The following DENND4A variants were observed in gnomAD, a reference collection of about 807,000 sequenced individuals.
The protein encoded by DENND4A is C-myc promoter-binding protein.
A neutral mutation model predicts 199.3 loss-of-function variants in DENND4A; 70 were observed. That is an observed-to-expected ratio of 0.35 (90% confidence interval 0.29 to 0.43). DENND4A has a LOEUF of 0.43. Ranked by LOEUF, DENND4A falls within the 20% of genes least tolerant of loss-of-function variation. DENND4A has a pLI of 1.00. For missense variants in DENND4A, 1,723 were observed against 2,255.8 expected (o/e 0.76, Z 4.78); for synonymous variants, 686 against 766.9 (o/e 0.89, Z 1.74).
chr15:65,679,065 G>A (rs759396273), intron 23 of DENND4A, among the ~76,000 whole-genome samples: 21 of 151,836 alleles, frequency 1.4e-4, no homozygotes, highest in Non-Finnish European at 2.6e-4. Flanking sequence ...CAGGTGTTCA[G>A]CATGCTTCCT....
chr15:65,711,858 A>T (rs560288781), intron 14 of DENND4A, among the ~76,000 whole-genome samples: 1 of 152,212 alleles, frequency 6.6e-6, no homozygotes, highest in Non-Finnish European at 1.5e-5. Context: ...ACAGGGTCTC[A>T]CTACGTTGCC....
intron 29 of DENND4A, among the ~76,000 whole-genome samples, chr15:65,665,996 A>AT (rs1334929060): frequency 3.3e-5 from 5 of 152,242 alleles, no homozygotes; most frequent in Non-Finnish European, 7.3e-5. Flanking sequence ...AAATGAACAT[A>AT]TAACAAACAA....
intron 2 of DENND4A, among the ~76,000 whole-genome samples, chr15:65,759,333 T>C (rs6494538): frequency 0.57 from 86,024 of 151,828 alleles, 27,064 homozygotes; most frequent in African/African-American, 0.85. Context: ...CAAAAATTAG[T>C]CAGGTGTGGT....
At chr15:65,700,101 C>A (rs2074810522) in intron 20 of DENND4A, among the ~76,000 whole-genome samples, 1 of 152,026 alleles carries the variant, frequency 6.6e-6, no homozygotes, top group Non-Finnish European at 1.5e-5. Context: ...CCTAGCTTCC[C>A]CCCATGATAA....
intron 23 of DENND4A, among the ~76,000 whole-genome samples, chr15:65,682,943 G>C (rs943761339): frequency 1.3e-5 from 2 of 152,192 alleles, no homozygotes; most frequent in African/African-American, 2.4e-5. Context: ...TATGGGAACA[G>C]TTCATGGTGT....
chr15:65,670,245 A>G, intron 25 of DENND4A, 57 bp from the exon 26 acceptor site: 1 of 1,340,068 alleles, frequency 7.5e-7, no homozygotes. Context: ...TTATGAATTA[A>G]AAACCATTTC....
At chr15:65,789,767 A>G (rs889721624) in intron 1 of DENND4A, among the ~76,000 whole-genome samples, 2 of 152,244 alleles carry the variant, frequency 1.3e-5, no homozygotes, top group African/African-American at 2.4e-5. Context: ...AGGTTTTTGT[A>G]GGACATAGAA....
chr15:65,790,584 T>C (rs2077688961), intron 1 of DENND4A, among the ~76,000 whole-genome samples: 1 of 152,198 alleles, frequency 6.6e-6, no homozygotes, highest in South Asian at 2.1e-4. Flanking sequence ...GATGATAACA[T>C]ATGCTGTTCT....
At chr15:65,720,947 TTATATATATATATATA>T (rs72498783) in intron 12 of DENND4A, among the ~76,000 whole-genome samples, 28,172 of 76,418 alleles carry the variant, frequency 0.37, 6,096 homozygotes, top group East Asian at 0.84. Context: ...GTTTCATTGA[TTATATATATATATATA>T]TATATATATA....
At chr15:65,743,140 T>C (rs1251475574) in intron 4 of DENND4A, among the ~76,000 whole-genome samples, 1 of 152,158 alleles carries the variant, frequency 6.6e-6, no homozygotes, top group Non-Finnish European at 1.5e-5. Context: ...CCACAGTCTA[T>C]CACTACATAA....
intron 4 of DENND4A, among the ~76,000 whole-genome samples, chr15:65,745,623 C>G (rs1000419404): frequency 2.0e-5 from 3 of 151,996 alleles, no homozygotes; most frequent in African/African-American, 7.2e-5. Context: ...TAAAAATGGG[C>G]TCTCTATTGG....
intron 6 of DENND4A, 133 bp from the exon 7 acceptor site, chr15:65,738,078 A>C (rs930923560): frequency 1.3e-6 from 1 of 787,960 alleles, no homozygotes; most frequent in African/African-American, 1.7e-5. Flanking sequence ...AGTGATGAAG[A>C]GACACCCCTC....
chr15:65,778,442 T>G (rs1419701301), intron 1 of DENND4A, among the ~76,000 whole-genome samples: 2 of 104,084 alleles, frequency 1.9e-5, no homozygotes, highest in African/African-American at 4.0e-5. Flanking sequence ...AGTGGTAAAA[T>G]ACAGTGACCT....
At chr15:65,772,752 C>G (rs1213962550) in intron 1 of DENND4A, among the ~76,000 whole-genome samples, 1 of 143,392 alleles carries the variant, frequency 7.0e-6, no homozygotes, top group African/African-American at 2.5e-5. Flanking sequence ...GATATTTGCT[C>G]TCCCTATTTA....
intron 21 of DENND4A, 42 bp from the exon 22 acceptor site, chr15:65,696,539 T>C (rs541893739): frequency 8.6e-5 from 129 of 1,494,192 alleles, no homozygotes; most frequent in South Asian, 4.8e-4. Context: ...ATGAAATCTA[T>C]ATACACTGTA....
At position 65,715,434 on chromosome 15, in the gene DENND4A, T is replaced by C. The variant is rs751360719; in HGVS notation, c.1953+44A>G. Reference sequence around the variant, plus strand: ...CTATAACTCATAACATTTATAACAGTCACACAAAATAAGTTAGGGCATTGT... The same window carrying C: ...CTATAACTCATAACATTTATAACAGCCACACAAAATAAGTTAGGGCATTGT... On this transcript the variant is annotated intron_variant, in intron 14 of 32. Coordinates refer to ENST00000443035, the MANE Select transcript of DENND4A (RefSeq NM_001320835.1). 5 of 1,536,414 alleles carry C rather than the reference T, an allele frequency of 3.3e-6. No individual in the cohort carries two copies. In the Middle Eastern group the frequency reaches 5.2e-4, roughly 159 times the overall value.
chr15:65,756,473 C>T lies in DENND4A; in HGVS notation c.-22-1G>A. 4 of 1,569,402 alleles carry T rather than the reference C, an allele frequency of 2.5e-6. No individual in the cohort carries two copies. In the South Asian group the frequency reaches 3.6e-5, roughly 14 times the overall value. ...CATCTTCCATTACAGAAGGTTACAT[C>T]TAAAAGGAAAGTAAAAGACTAGTAC... On this transcript the variant is annotated splice_acceptor_variant, in intron 2 of 32. Coordinates refer to ENST00000443035, the MANE Select transcript of DENND4A (RefSeq NM_001320835.1). LOFTEE classifies it low-confidence loss of function (5UTR_SPLICE).
intron 7 of DENND4A, among the ~76,000 whole-genome samples, chr15:65,733,578 C>T (rs1371233050): frequency 1.3e-5 from 2 of 151,920 alleles, no homozygotes; most frequent in Non-Finnish European, 1.5e-5. Flanking sequence ...TGACTGTTTA[C>T]TATATAAAAA....
chr15:65,746,777 C>T (rs1349801481), intron 4 of DENND4A, among the ~76,000 whole-genome samples: 1 of 151,204 alleles, frequency 6.6e-6, no homozygotes, highest in Non-Finnish European at 1.5e-5. Context: ...TAAAAAATAC[C>T]CTTAAGGAGA....
Sources: allele counts gnomAD v4.1 joint callset (sites outside exome capture counted in the v4.1 genomes callset), GRCh38; gene constraint gnomAD v4.1.1; transcripts MANE v1.5; gene names NCBI Gene and HGNC (gene_info 2026-07-23, HGNC 2026-07-21).